COL22A1: variants seen among roughly 807,000 people sequenced by gnomAD.
The protein encoded by COL22A1 is collagen type XXII alpha 1 chain.
Under a neutral mutation model 248.9 loss-of-function variants are expected in COL22A1, and 221 were observed. That is an observed-to-expected ratio of 0.89 (90% CI 0.80 to 0.99). The LOEUF (loss-of-function observed/expected upper bound fraction) is 0.99, where lower values mean the gene tolerates loss of function less well. Among genes scored for constraint, COL22A1 ranks in the 50% least tolerant of loss-of-function variants. The pLI, the probability that COL22A1 is intolerant of heterozygous loss-of-function variation, is 0.00. For missense variants in COL22A1, 2,240 were observed against 2,179.0 expected (o/e 1.03, Z -0.56); for synonymous variants, 891 against 793.4 (o/e 1.12, Z -2.07).
intron 6 of COL22A1, among the ~76,000 whole-genome samples, chr8:138,824,171 GTCT>G (rs1399310342): frequency 6.6e-6 from 1 of 152,124 alleles, no homozygotes; most frequent in African/African-American, 2.4e-5. Context: ...ATTAAACATG[GTCT>G]TCTATTTCAT....
At chr8:138,594,282 AC>A in intron 62 of COL22A1, 83 bp from the exon 63 acceptor site, 1 of 1,279,032 alleles carries the variant, frequency 7.8e-7, no homozygotes, top group South Asian at 1.4e-5. Context: ...ACAACTCAGA[AC>A]CAGGGGGCCG....
intron 3 of COL22A1, among the ~76,000 whole-genome samples, chr8:138,863,254 C>T (rs1822620949): frequency 6.6e-6 from 1 of 152,216 alleles, no homozygotes; most frequent in African/African-American, 2.4e-5. Context: ...CATGCCTCAG[C>T]CCAGGCCCTG....
intron 32 of COL22A1, among the ~76,000 whole-genome samples, chr8:138,699,713 C>T (rs1033474864): frequency 1.2e-4 from 18 of 152,214 alleles, no homozygotes; most frequent in Non-Finnish European, 2.2e-4. Flanking sequence ...ACACCCCTGT[C>T]TCTGGTCTCC....
intron 15 of COL22A1, chr8:138,777,995 C>CTCCACCCTTCTTA: frequency 2.8e-6 from 1 of 357,254 alleles, no homozygotes; most frequent in Non-Finnish European, 5.3e-6. Flanking sequence ...ATTCAGTAGA[C>CTCCACCCTTCTTA]TCCACCCTTC....
intron 32 of COL22A1, among the ~76,000 whole-genome samples, chr8:138,699,156 C>T (rs190125590): frequency 5.3e-4 from 81 of 152,240 alleles, no homozygotes; most frequent in African/African-American, 1.7e-3. Flanking sequence ...TTCCCGCAGA[C>T]GCCTCTCACC....
chr8:138,805,772 T>C (rs1454013808), intron 10 of COL22A1, among the ~76,000 whole-genome samples: 6 of 127,820 alleles, frequency 4.7e-5, no homozygotes, highest in Non-Finnish European at 8.2e-5. Flanking sequence ...TGGTATGTGA[T>C]AGTGTAGGTG....
At chr8:138,655,581 G>A (rs1441419238) in intron 45 of COL22A1, among the ~76,000 whole-genome samples, 1 of 152,058 alleles carries the variant, frequency 6.6e-6, no homozygotes, top group Non-Finnish European at 1.5e-5. Flanking sequence ...TGCCCAGGTT[G>A]GTCTTAAACT....
intron 2 of COL22A1, among the ~76,000 whole-genome samples, chr8:138,878,549 G>A (rs1485983251): frequency 6.6e-6 from 1 of 152,086 alleles, no homozygotes; most frequent in African/African-American, 2.4e-5. Flanking sequence ...ACTGACAGTA[G>A]GTAGCATCAC....
At chr8:138,673,154 G>A (rs1055610125) in intron 41 of COL22A1, among the ~76,000 whole-genome samples, 6 of 152,092 alleles carry the variant, frequency 3.9e-5, no homozygotes, top group Non-Finnish European at 5.9e-5. Context: ...CCAAAGGCAT[G>A]GGAGCATGAC....
intron 3 of COL22A1, among the ~76,000 whole-genome samples, chr8:138,849,124 C>T (rs1229687494): frequency 1.3e-5 from 2 of 152,202 alleles, no homozygotes; most frequent in African/African-American, 4.8e-5. Flanking sequence ...AGGCGACAGA[C>T]ACATGGCAGA....
At chr8:138,635,194 T>C (rs1821044224) in intron 48 of COL22A1, 131 bp from the exon 49 acceptor site, 4 of 655,218 alleles carry the variant, frequency 6.1e-6, no homozygotes, top group African/African-American at 5.6e-5. Context: ...TTAAAGACAC[T>C]GACAATAAAA....
intron 47 of COL22A1, among the ~76,000 whole-genome samples, chr8:138,644,780 A>T (rs1344685384): frequency 6.6e-6 from 1 of 152,156 alleles, no homozygotes; most frequent in Non-Finnish European, 1.5e-5. Context: ...TAGCTTTTTA[A>T]ATATATTCAT....
chr8:138,662,030 G>T lies in COL22A1; in HGVS notation c.3240C>A (p.Asp1080Glu), dbSNP rs775736940. 6 of 1,611,114 alleles carry T rather than the reference G, an allele frequency of 3.7e-6. No individual in the cohort carries two copies. The South Asian group carries it at 6.6e-5, about 18-fold the overall frequency. The change falls in exon 43 of 65, where the codon GAC (aspartate) becomes GAA (glutamate). Residue 1080 changes from aspartate to glutamate, a missense_variant and splice_region_variant. Coordinates refer to ENST00000303045, the MANE Select transcript of COL22A1 (RefSeq NM_152888.3). ...GTCCACGCCATTTCTCTGTACTTACGTCCCGGCCGGCTGGGCCCTGGGGGC... is the reference window on the plus strand; with the variant it reads ...GTCCACGCCATTTCTCTGTACTTACTTCCCGGCCGGCTGGGCCCTGGGGGC... ...FPGPQGPAGR[D>E]GAPGNPGERG...
chr8:138,892,037 T>G (rs1825106717), intron 1 of COL22A1, among the ~76,000 whole-genome samples: 1 of 152,236 alleles, frequency 6.6e-6, no homozygotes, highest in Non-Finnish European at 1.5e-5. Context: ...CTTGATTTAT[T>G]TGCTAATATT....
At chr8:138,878,867 C>A (rs190324932) in intron 2 of COL22A1, among the ~76,000 whole-genome samples, 1 of 152,142 alleles carries the variant, frequency 6.6e-6, no homozygotes, top group African/African-American at 2.4e-5. Context: ...AATTAGCCAG[C>A]AGAGGTGGTG....
chr8:138,768,459 CAG>C (rs1333084198), intron 16 of COL22A1, among the ~76,000 whole-genome samples: 1 of 152,204 alleles, frequency 6.6e-6, no homozygotes, highest in African/African-American at 2.4e-5. Context: ...TGCACTGTGG[CAG>C]AGACATGCAG....
At chr8:138,683,579 G>A (rs1826116973) in intron 39 of COL22A1, among the ~76,000 whole-genome samples, 1 of 152,076 alleles carries the variant, frequency 6.6e-6, no homozygotes, top group South Asian at 2.1e-4. Context: ...CTCCAGGCCT[G>A]GCCCATAAAA....
chr8:138,895,492 T>TA (rs201769091), intron 1 of COL22A1, among the ~76,000 whole-genome samples: 263 of 149,884 alleles, frequency 1.8e-3, no homozygotes, highest in African/African-American at 4.9e-3. Context: ...ATTTAAGAAC[T>TA]AAAAAAAAAT....
In COL22A1 at chr8:138,748,608, C is replaced by T. The variant is rs967929391; in HGVS notation, c.2085+2850G>A. Among the ~76,000 whole-genome samples the T allele has an allele frequency of 5.3e-5, 8 of 152,146 alleles. No homozygotes were observed. The South Asian group carries it at 1.7e-3, about 31-fold the overall frequency. On this transcript the variant is annotated intron_variant, in intron 22 of 64. Transcript: ENST00000303045. ...GCTCAATAAACACCATATCCTACCC[C>T]TGCCCATCATCACTGCACCCCAACC...
Sources: gnomAD v4.1 joint callset for allele counts (sites outside exome capture counted in the v4.1 genomes callset) on GRCh38, gnomAD v4.1.1 for gene constraint, MANE v1.5 for transcripts, NCBI Gene and HGNC (gene_info 2026-07-23, HGNC 2026-07-21) for gene names.